The following SORCS2 variants were observed in gnomAD, a reference collection of about 807,000 sequenced individuals.
SORCS2 encodes the protein VPS10 domain-containing receptor SorCS2.
In SORCS2, 100 loss-of-function variants were observed where a neutral mutation model predicts 141.6. That is an observed-to-expected ratio of 0.71 (90% CI 0.60 to 0.83). The LOEUF is 0.83. Ranked by LOEUF, SORCS2 falls within the 40% of genes least tolerant of loss-of-function variation. The probability of loss-of-function intolerance (pLI) is 0.00; values close to 1 mark genes in which losing one functional copy is unlikely to be tolerated. For missense variants in SORCS2, 1,646 were observed against 1,560.2 expected (o/e 1.05, Z -0.93); for synonymous variants, 789 against 676.9 (o/e 1.17, Z -2.57).
intron 1 of SORCS2, among the ~76,000 whole-genome samples, chr4:7,343,463 C>T (rs778030358): frequency 9.8e-5 from 15 of 152,308 alleles, no homozygotes; most frequent in African/African-American, 2.9e-4. Flanking sequence ...GTGCAGGTGA[C>T]GTGCACAGCC....
At chr4:7,514,109 C>G (rs1732829892) in intron 2 of SORCS2, among the ~76,000 whole-genome samples, 1 of 152,130 alleles carries the variant, frequency 6.6e-6, no homozygotes, top group Non-Finnish European at 1.5e-5. Flanking sequence ...GACCCACAAG[C>G]TGCAAGGGGT....
intron 1 of SORCS2, among the ~76,000 whole-genome samples, chr4:7,219,200 A>G (rs1269815143): frequency 4.0e-5 from 5 of 123,896 alleles, no homozygotes; most frequent in Admixed American, 3.1e-4. Context: ...GTTCATGTCT[A>G]TGAGAAATAA....
At chr4:7,239,636 G>A (rs574840737) in intron 1 of SORCS2, among the ~76,000 whole-genome samples, 4 of 152,312 alleles carry the variant, frequency 2.6e-5, no homozygotes, top group South Asian at 2.1e-4. Context: ...GGCTGGGCCC[G>A]GCTGGGTCGC....
At position 7,392,478 on chromosome 4, in the gene SORCS2, A is replaced by G. The variant is rs537590359; in HGVS notation, c.481-3810A>G. Among the ~76,000 whole-genome samples, 6 of 152,312 alleles carry G rather than the reference A, an allele frequency of 3.9e-5. No homozygotes were observed. In the South Asian group the frequency reaches 1.2e-3, roughly 32 times the overall value. On this transcript the variant is annotated intron_variant, in intron 1 of 26. Transcript: ENST00000507866. Reference sequence around the variant, plus strand: ...ACTCACCCACTCATTGATTTACTCAAGGAAAGACTGATGGATTTTTCCGCT... The same window carrying G: ...ACTCACCCACTCATTGATTTACTCAGGGAAAGACTGATGGATTTTTCCGCT...
intron 1 of SORCS2, among the ~76,000 whole-genome samples, chr4:7,296,338 C>T (rs1012663519): frequency 4.6e-5 from 7 of 152,214 alleles, no homozygotes; most frequent in African/African-American, 7.2e-5. Flanking sequence ...CTCGTGTTAG[C>T]GGGCAGGCTC....
rs1560113642 is a variant in SORCS2, at chr4:7,724,401, ATAGTAGTGGTGGGAATGGATGG to A, written c.2611+520_2611+541del. Among the ~76,000 whole-genome samples the A allele has an allele frequency of 6.2e-4, 79 of 127,280 alleles. 1 individual carries two copies. Among genetic ancestry groups the A allele is most frequent in the African/African-American group, 2.5e-3 (76 of 29,902 alleles). 83.5% of individuals were successfully genotyped at this position (127,280 alleles called of 152,430 possible). A position where few individuals can be genotyped will look rare whatever the true frequency, so the allele number is the denominator to read the frequency against. On this transcript the variant is annotated intron_variant, in intron 19 of 26. Transcript: ENST00000507866. ...TGGTGATAGGGTGTTGGTGATGGTG[ATAGTAGTGGTGGGAATGGATGG>A]TGGTGGTGATAATGGTGACAATGGT...
intron 3 of SORCS2, among the ~76,000 whole-genome samples, chr4:7,573,133 C>T (rs778343775): frequency 3.3e-5 from 5 of 152,116 alleles, no homozygotes; most frequent in South Asian, 2.1e-4. Flanking sequence ...TCAGAACTTG[C>T]GTCTTTTGGT....
At chr4:7,240,131 T>C (rs1324077173) in intron 1 of SORCS2, among the ~76,000 whole-genome samples, 3 of 152,282 alleles carry the variant, frequency 2.0e-5, no homozygotes, top group East Asian at 3.9e-4. Flanking sequence ...CTCCGTGTTC[T>C]GGGCTGTGAT....
intron 8 of SORCS2, among the ~76,000 whole-genome samples, chr4:7,674,833 G>C (rs571749802): frequency 6.7e-6 from 1 of 150,014 alleles, no homozygotes; most frequent in South Asian, 2.1e-4. Context: ...CCTTCCCTAG[G>C]CCCTCCTATC....
chr4:7,408,140 TTGTCCA>T (rs1725087356), intron 2 of SORCS2, among the ~76,000 whole-genome samples: 1 of 152,172 alleles, frequency 6.6e-6, no homozygotes, highest in Admixed American at 6.5e-5. Context: ...TATTCTGGGT[TTGTCCA>T]TGTCCCTAAT....
intron 1 of SORCS2, among the ~76,000 whole-genome samples, chr4:7,386,214 C>T (rs1480480224): frequency 3.0e-5 from 3 of 101,588 alleles, no homozygotes; most frequent in African/African-American, 1.3e-4. Flanking sequence ...TGCACACACG[C>T]ACACACATGC....
intron 8 of SORCS2, among the ~76,000 whole-genome samples, chr4:7,672,676 G>T (rs1042194166): frequency 2.0e-5 from 3 of 152,086 alleles, no homozygotes; most frequent in African/African-American, 7.2e-5. Flanking sequence ...CCTCAAGGAG[G>T]TATTGTTGAA....
At chr4:7,536,030 G>C (rs1275271328) in intron 3 of SORCS2, among the ~76,000 whole-genome samples, 2 of 152,254 alleles carry the variant, frequency 1.3e-5, no homozygotes, top group Admixed American at 6.5e-5. Flanking sequence ...TCTGCCTCAG[G>C]AGAATGAAAC....
At chr4:7,420,129 C>A (rs994012970) in intron 2 of SORCS2, among the ~76,000 whole-genome samples, 1 of 152,224 alleles carries the variant, frequency 6.6e-6, no homozygotes, top group Non-Finnish European at 1.5e-5. Flanking sequence ...TGGGCTGCTC[C>A]CATCTGCAAG....
At chr4:7,373,494 T>A (rs1349123996) in intron 1 of SORCS2, among the ~76,000 whole-genome samples, 2 of 89,748 alleles carry the variant, frequency 2.2e-5, no homozygotes, top group Non-Finnish European at 4.1e-5. Context: ...TTTTTTTTTT[T>A]TTTTTTTTTT....
At chr4:7,211,763 G>A (rs1275297458) in intron 1 of SORCS2, among the ~76,000 whole-genome samples, 1 of 152,112 alleles carries the variant, frequency 6.6e-6, no homozygotes, top group Non-Finnish European at 1.5e-5. Context: ...CAAGGTGGGG[G>A]CCCCTGTGAG....
intron 3 of SORCS2, among the ~76,000 whole-genome samples, chr4:7,557,173 G>A (rs1430529378): frequency 3.3e-5 from 5 of 152,218 alleles, no homozygotes; most frequent in African/African-American, 7.2e-5. Context: ...AGGAAAGGGC[G>A]GTTGAATTTA....
intron 3 of SORCS2, among the ~76,000 whole-genome samples, chr4:7,615,326 AG>A (rs1718689578): frequency 6.6e-6 from 1 of 152,256 alleles, no homozygotes; most frequent in Non-Finnish European, 1.5e-5. Flanking sequence ...TGTACTGCAC[AG>A]GGGCAATTAG....
At chr4:7,314,818 T>G (rs1309434938) in intron 1 of SORCS2, among the ~76,000 whole-genome samples, 16 of 146,908 alleles carry the variant, frequency 1.1e-4, no homozygotes, top group African/African-American at 2.5e-4. Context: ...TTTTTTTTTT[T>G]TTTTTTTTTT....
Sources: allele counts gnomAD v4.1 joint callset (sites outside exome capture counted in the v4.1 genomes callset), GRCh38; gene constraint gnomAD v4.1.1; transcripts MANE v1.5; gene names NCBI Gene and HGNC (gene_info 2026-07-23, HGNC 2026-07-21).